Variants in DDX42 observed in about 807,000 individuals in gnomAD.
DDX42 encodes the protein DEAD-box helicase 42, also known as ATP-dependent RNA helicase DDX42.
Under a neutral mutation model 101.5 loss-of-function variants are expected in DDX42, and 22 were observed. The ratio of observed to expected loss-of-function variants is 0.22; its 90% CI spans 0.15 to 0.31. The LOEUF is 0.31. Among genes scored for constraint, DDX42 ranks in the 10% least tolerant of loss-of-function variants. The probability of loss-of-function intolerance (pLI) is 1.00; values close to 1 mark genes in which losing one functional copy is unlikely to be tolerated. For missense variants in DDX42, 849 were observed against 1,199.9 expected, an observed-to-expected ratio of 0.71 and a Z score of 4.32; for synonymous variants, 402 against 401.2, an observed-to-expected ratio of 1.00 and a Z score of -0.02.
chr17:63,798,231 A>ATCT, intron 4 of DDX42, 132 bp downstream of exon 4: 1 of 738,350 alleles, frequency 1.4e-6, no homozygotes, highest in South Asian at 2.0e-5. Context: ...TTATTCCTGT[A>ATCT]TCTTGAATAC....
chr17:63,803,505 T>C (rs745334677), intron 6 of DDX42, among the ~76,000 whole-genome samples: 39 of 141,876 alleles, frequency 2.7e-4, no homozygotes, highest in Non-Finnish European at 4.1e-4. Flanking sequence ...GAGGAGGAGG[T>C]TGCAGTGAGC....
intron 4 of DDX42, among the ~76,000 whole-genome samples, chr17:63,798,482 G>A (rs1400744726): frequency 6.6e-6 from 1 of 152,170 alleles, no homozygotes; most frequent in Admixed American, 6.5e-5. Flanking sequence ...AATGGCAACT[G>A]TATCATGAAA....
chr17:63,787,626 G>A (rs563692888), intron 2 of DDX42, among the ~76,000 whole-genome samples: 3 of 152,214 alleles, frequency 2.0e-5, no homozygotes, highest in East Asian at 1.9e-4. Flanking sequence ...ATCATCTGAC[G>A]TCAGGAGTTT....
intron 1 of DDX42, among the ~76,000 whole-genome samples, chr17:63,779,433 T>A (rs2144520900): frequency 6.6e-6 from 1 of 152,198 alleles, no homozygotes; most frequent in African/African-American, 2.4e-5. Context: ...CTGGGTAATT[T>A]TTGTATTTTT....
intron 7 of DDX42, chr17:63,805,501 T>C (rs7213618): frequency 0.027 from 4,966 of 184,082 alleles, 279 homozygotes; most frequent in African/African-American, 0.11. Context: ...ACAGATGATA[T>C]CTTAGAATAT....
chr17:63,815,364 C>T (rs1401934394), intron 15 of DDX42, among the ~76,000 whole-genome samples, 199 bp from the exon 16 acceptor site: 1 of 152,174 alleles, frequency 6.6e-6, no homozygotes, highest in Non-Finnish European at 1.5e-5. Context: ...AGGATCTCAG[C>T]CACTTTTCAA....
intron 2 of DDX42, among the ~76,000 whole-genome samples, chr17:63,792,013 C>T (rs2039634110): frequency 6.6e-6 from 1 of 151,158 alleles, no homozygotes. Context: ...TGCCACTGCA[C>T]TCCAGCCTGG....
At chr17:63,786,683 C>CT (rs1056769166) in intron 1 of DDX42, among the ~76,000 whole-genome samples, 8 of 151,430 alleles carry the variant, frequency 5.3e-5, no homozygotes, top group African/African-American at 1.9e-4. Context: ...CTATATACTT[C>CT]TTTTTTGTTT....
At chr17:63,803,091 C>T (rs1031577912) in intron 6 of DDX42, among the ~76,000 whole-genome samples, 1 of 152,024 alleles carries the variant, frequency 6.6e-6, no homozygotes, top group Non-Finnish European at 1.5e-5. Context: ...CTGTATATAA[C>T]CTCAGTGAAC....
At chr17:63,814,692 T>TC (rs952420545) in intron 15 of DDX42, among the ~76,000 whole-genome samples, 4 of 143,440 alleles carry the variant, frequency 2.8e-5, no homozygotes, top group Non-Finnish European at 6.1e-5. Flanking sequence ...TTTTTTTTTT[T>TC]TTTTTTCTTT....
chr17:63,780,677 G>A (rs932021632), intron 1 of DDX42, among the ~76,000 whole-genome samples: 2 of 152,178 alleles, frequency 1.3e-5, no homozygotes, highest in African/African-American at 2.4e-5. Flanking sequence ...GGAAAGGATC[G>A]CTTTTCCAAC....
intron 3 of DDX42, 103 bp downstream of exon 3, chr17:63,792,665 T>A: frequency 2.0e-6 from 1 of 489,392 alleles, no homozygotes; most frequent in Non-Finnish European, 2.8e-6. Flanking sequence ...AGTCTTATTA[T>A]TTTTTTTTTT....
At position 63,800,497 on chromosome 17, in the gene DDX42, C is replaced by T. The variant is rs1175338397; in HGVS notation, c.501C>T (p.Asn167=). 5.6e-6 allele frequency: 9 copies of T among 1,613,846 alleles called. No individual in the cohort carries two copies. Among genetic ancestry groups the T allele is most frequent in the African/African-American group, 1.3e-5 (1 of 75,012 alleles). Residue 167 remains asparagine, a synonymous_variant, in exon 6 of 18, where the codon AAC becomes AAT. Transcript: ENST00000389924. ...CTTATTTTCGATACATGGCAGAAAA[C>T]CCAACTGCTGGTGTGGTTCAGGAGG... The part of the protein sequence containing the change: ...QEAYFRYMAE[N]PTAGVVQEEE...
chr17:63,783,572 C>T (rs896064), intron 1 of DDX42, among the ~76,000 whole-genome samples: 106,576 of 152,072 alleles, frequency 0.7, 38,784 homozygotes, highest in African/African-American at 0.92. Context: ...ACTGGAATTA[C>T]GTTGATTCCT....
chr17:63,786,956 G>A (rs376640488), intron 1 of DDX42, 78 bp from the exon 2 acceptor site: 52 of 1,465,724 alleles, frequency 3.5e-5, no homozygotes, highest in Middle Eastern at 3.9e-4. Context: ...GATTACAGGC[G>A]TGACCCACCG....
At chr17:63,813,957 A>G (rs1204379399) in intron 15 of DDX42, among the ~76,000 whole-genome samples, 1 of 151,896 alleles carries the variant, frequency 6.6e-6, no homozygotes, top group East Asian at 1.9e-4. Context: ...CTCCTGCCTT[A>G]GCCTCCCAAG....
In DDX42 at chr17:63,818,140, T is replaced by C; in HGVS notation, c.2559T>C (p.His853=). The stretch of plus-strand genomic sequence containing the variant: ...GCCATCCAGAAAGCAGCAGCCGTCA[T>C]ACTGATGGCCATCGGCACGGGGAGA... ...GYRHPESSSR[H]TDGHRHGENR... The change falls in exon 18 of 18, where the codon CAT becomes CAC. Residue 853 remains histidine (H), a synonymous_variant. Coordinates refer to ENST00000389924, the MANE Select transcript of DDX42 (RefSeq NM_203499.3). 6.2e-7 allele frequency: 1 copy of C among 1,613,840 alleles called. No individual in the cohort carries two copies. The highest frequency in any genetic ancestry group is 8.5e-7 in the Non-Finnish European group (1 of 1,180,006).
intron 1 of DDX42, among the ~76,000 whole-genome samples, chr17:63,779,857 C>T (rs1004026622): frequency 2.6e-5 from 4 of 152,092 alleles, no homozygotes; most frequent in Non-Finnish European, 4.4e-5. Flanking sequence ...GGAATATAGG[C>T]GTAAGCCACT....
intron 14 of DDX42, among the ~76,000 whole-genome samples, chr17:63,812,995 C>T (rs115844362): frequency 0.016 from 2,496 of 152,172 alleles, 59 homozygotes; most frequent in African/African-American, 0.058. Flanking sequence ...ACTGCACTCC[C>T]GTCTGGCAAC....
Sources: gnomAD v4.1 joint callset for allele counts (sites outside exome capture counted in the v4.1 genomes callset) on GRCh38, gnomAD v4.1.1 for gene constraint, MANE v1.5 for transcripts, NCBI Gene and HGNC (gene_info 2026-07-23, HGNC 2026-07-21) for gene names.